PKHD1: variants seen among roughly 807,000 people sequenced by gnomAD.
The protein encoded by PKHD1 is PKHD1 ciliary IPT domain containing fibrocystin/polyductin.
Under a neutral mutation model 412.0 loss-of-function variants are expected in PKHD1, and 291 were observed. The ratio of observed to expected loss-of-function variants is 0.71; its 90% confidence interval spans 0.64 to 0.78. The LOEUF (loss-of-function observed/expected upper bound fraction) is 0.78. Among genes scored for constraint, PKHD1 ranks in the 30% least tolerant of loss-of-function variants. The pLI, the probability that PKHD1 is intolerant of heterozygous loss-of-function variation, is 0.00. For missense variants in PKHD1, 4,825 were observed against 4,950.7 expected (o/e 0.97, Z 0.76); for synonymous variants, 1,777 against 1,821.5 (o/e 0.98, Z 0.62).
At chr6:51,862,094 T>C (rs1218573562) in intron 48 of PKHD1, among the ~76,000 whole-genome samples, 1 of 152,196 alleles carries the variant, frequency 6.6e-6, no homozygotes, top group Non-Finnish European at 1.5e-5. Flanking sequence ...CCCATATATA[T>C]GCATACCAGA....
rs770429841 is a variant in PKHD1, at chr6:51,923,502, C to T, written c.6121+10608G>A. On this transcript the variant is annotated intron_variant, in intron 37 of 66. Transcript: ENST00000371117. ...TGCTGACCCTAGTTAAAGACAGACA[C>T]AAATGTGAAAAAAAAGAAAAAAAAA... is the stretch of plus-strand genomic sequence containing the variant. Among the ~76,000 whole-genome samples the T allele has an allele frequency of 9.3e-4, 123 of 132,536 alleles. 1 individual carries two copies. The highest frequency in any genetic ancestry group is 1.8e-3 in the Non-Finnish European group (110 of 61,620). The allele number at this position is 132,536 out of a possible 152,430, so 86.9% of individuals were successfully genotyped here.
At chr6:51,751,281 C>A (rs1390542223) in intron 57 of PKHD1, among the ~76,000 whole-genome samples, 10 of 152,074 alleles carry the variant, frequency 6.6e-5, no homozygotes. Context: ...CCATATCTGC[C>A]ATCCCTGACC....
At chr6:52,034,291 G>A (rs1327156434) in intron 28 of PKHD1, among the ~76,000 whole-genome samples, 2 of 149,178 alleles carry the variant, frequency 1.3e-5, no homozygotes, top group Non-Finnish European at 3.0e-5. Flanking sequence ...GATAAAAATG[G>A]TATTGTAACT....
chr6:51,914,353 A>C (rs1226849117), intron 37 of PKHD1, among the ~76,000 whole-genome samples: 1 of 152,152 alleles, frequency 6.6e-6, no homozygotes, highest in African/African-American at 2.4e-5. Flanking sequence ...AAAGCAGTAA[A>C]ACTAGCTTAT....
At chr6:51,630,789 T>C (rs1767831368) in intron 65 of PKHD1, among the ~76,000 whole-genome samples, 1 of 152,118 alleles carries the variant, frequency 6.6e-6, no homozygotes, top group South Asian at 2.1e-4. Flanking sequence ...AGGAAGAAAA[T>C]ACAAATCACT....
At chr6:51,690,581 A>G (rs1778043311) in intron 60 of PKHD1, among the ~76,000 whole-genome samples, 1 of 152,206 alleles carries the variant, frequency 6.6e-6, no homozygotes, top group South Asian at 2.1e-4. Context: ...TTCCCTATTC[A>G]ATAAATGGTT....
chr6:51,707,680 T>C (rs577367443), intron 60 of PKHD1, among the ~76,000 whole-genome samples: 1 of 152,290 alleles, frequency 6.6e-6, no homozygotes, highest in South Asian at 2.1e-4. Flanking sequence ...CCCATTCCCG[T>C]CTGACTTCCA....
At chr6:51,982,183 G>A (rs1360219815) in intron 35 of PKHD1, among the ~76,000 whole-genome samples, 15 of 42,234 alleles carry the variant, frequency 3.6e-4, no homozygotes, top group Admixed American at 9.6e-4. Context: ...CCGGGAGGGA[G>A]GTGGGGGGGT....
intron 65 of PKHD1, among the ~76,000 whole-genome samples, chr6:51,630,461 T>C (rs1361489431): frequency 1.3e-5 from 2 of 152,212 alleles, no homozygotes; most frequent in Non-Finnish European, 2.9e-5. Context: ...TAATTTAAAA[T>C]GTTATGTTTA....
At chr6:51,703,961 A>C (rs1315937414) in intron 60 of PKHD1, among the ~76,000 whole-genome samples, 6 of 151,984 alleles carry the variant, frequency 3.9e-5, no homozygotes, top group Non-Finnish European at 8.8e-5. Context: ...AGTGATCCTC[A>C]TTTGAAGGGT....
At chr6:51,736,499 G>C (rs970818732) in intron 60 of PKHD1, among the ~76,000 whole-genome samples, 2 of 152,100 alleles carry the variant, frequency 1.3e-5, no homozygotes, top group African/African-American at 4.8e-5. Flanking sequence ...GAATCCCAAA[G>C]AGTCTAATAT....
intron 36 of PKHD1, among the ~76,000 whole-genome samples, chr6:51,952,523 T>C (rs1227032197): frequency 6.6e-6 from 1 of 152,154 alleles, no homozygotes; most frequent in Non-Finnish European, 1.5e-5. Context: ...CCTAGACCTT[T>C]ATAAGCCTCC....
At position 51,755,044 on chromosome 6, in the gene PKHD1, C is replaced by A. The variant is rs1011679869; in HGVS notation, c.8643-106G>T. The A allele has an allele frequency of 2.6e-5, 25 of 947,502 alleles. 1 individual carries two copies. Among genetic ancestry groups the A allele is most frequent in the Middle Eastern group, 5.6e-4 (2 of 3,562 alleles). 58.7% of individuals were successfully genotyped at this position (947,502 alleles called of 1,614,324 possible). ...ATCCACTGTGACCAACATATCCCAC[C>A]AGAGAAACTGAAATAGAAATAAGAC... On this transcript the variant is annotated intron_variant, in intron 55 of 66. Coordinates refer to ENST00000371117, the MANE Select transcript of PKHD1 (RefSeq NM_138694.4).
chr6:51,712,362 A>T (rs1780756736), intron 60 of PKHD1, among the ~76,000 whole-genome samples: 1 of 152,192 alleles, frequency 6.6e-6, no homozygotes, highest in African/African-American at 2.4e-5. Context: ...GAGGGTCAGA[A>T]GTACTCAAGG....
At chr6:52,015,050 G>C (rs1800349925) in intron 34 of PKHD1, among the ~76,000 whole-genome samples, 1 of 151,998 alleles carries the variant, frequency 6.6e-6, no homozygotes, top group African/African-American at 2.4e-5. Context: ...CTTTTCTCTA[G>C]TAACCTATGT....
chr6:52,075,140 A>G (rs550038900), intron 6 of PKHD1, among the ~76,000 whole-genome samples: 19 of 152,364 alleles, frequency 1.2e-4, no homozygotes, highest in East Asian at 5.8e-4. Context: ...TCAGGTCCCA[A>G]TGATTCAGAC....
At chr6:51,821,966 C>G (rs1365723240) in intron 52 of PKHD1, among the ~76,000 whole-genome samples, 1 of 152,202 alleles carries the variant, frequency 6.6e-6, no homozygotes, top group Non-Finnish European at 1.5e-5. Flanking sequence ...GGATTACAGG[C>G]GTGAGCCACT....
intron 57 of PKHD1, among the ~76,000 whole-genome samples, 184 bp from the exon 58 acceptor site, chr6:51,748,849 A>G (rs1785613460): frequency 6.6e-6 from 1 of 152,220 alleles, no homozygotes; most frequent in African/African-American, 2.4e-5. Flanking sequence ...CAAGTATCAC[A>G]TTAATGCCTG....
intron 51 of PKHD1, among the ~76,000 whole-genome samples, chr6:51,834,637 C>G (rs1768868173): frequency 6.6e-6 from 1 of 151,968 alleles, no homozygotes; most frequent in African/African-American, 2.4e-5. Context: ...AATACATTAC[C>G]ATATTTAAAT....
Sources: allele counts gnomAD v4.1 joint callset (sites outside exome capture counted in the v4.1 genomes callset), GRCh38; gene constraint gnomAD v4.1.1; transcripts MANE v1.5; gene names NCBI Gene and HGNC (gene_info 2026-07-23, HGNC 2026-07-21).